The following PIEZO2 variants were observed in gnomAD, a reference collection of about 807,000 sequenced individuals.
The protein encoded by PIEZO2 is piezo-type mechanosensitive ion channel component 2.
In PIEZO2, 172 loss-of-function variants were observed where a neutral mutation model predicts 337.3. The observed-to-expected ratio is 0.51, with a 90% CI of 0.45 to 0.58. The LOEUF is 0.58. Among genes scored for constraint, PIEZO2 ranks in the 20% least tolerant of loss-of-function variants. The pLI is 0.00. For synonymous variants in PIEZO2, 1,251 were observed against 1,228.5 expected (o/e 1.02, Z -0.38); for missense variants, 3,028 against 3,391.3 (o/e 0.89, Z 2.66).
At chr18:11,029,048 G>A (rs557674559) in intron 2 of PIEZO2, among the ~76,000 whole-genome samples, 1 of 152,262 alleles carries the variant, frequency 6.6e-6, no homozygotes, top group African/African-American at 2.4e-5. Flanking sequence ...TTGTTAACTC[G>A]TAATAGCAAA....
intron 47 of PIEZO2, among the ~76,000 whole-genome samples, chr18:10,692,650 AC>A (rs1405385544): frequency 6.6e-6 from 1 of 152,038 alleles, no homozygotes; most frequent in Non-Finnish European, 1.5e-5. Flanking sequence ...TGGCCTTTGC[AC>A]CTTCCCTACA....
intron 2 of PIEZO2, among the ~76,000 whole-genome samples, chr18:11,040,699 C>T (rs573777578): frequency 5.9e-5 from 9 of 152,252 alleles, no homozygotes; most frequent in Non-Finnish European, 1.2e-4. Context: ...TTTTGGTCCT[C>T]GTCCCCATAA....
chr18:11,023,957 C>G (rs1165742997), intron 2 of PIEZO2, among the ~76,000 whole-genome samples: 3 of 152,196 alleles, frequency 2.0e-5, no homozygotes, highest in African/African-American at 7.2e-5. Flanking sequence ...GGCCGCCGAG[C>G]CCACGCCCAC....
rs1363735070 is a variant in PIEZO2, at chr18:10,794,812, C to A, written c.1718G>T (p.Gly573Val). The change falls in exon 13 of 56, where the codon GGA (glycine) becomes GTA (valine). Residue 573 changes from glycine to valine, a missense_variant. Gly to Val is a moderately radical substitution (Grantham distance 109). This residue lies in a region of PIEZO2 where 1,925 missense variants were observed against 2,051.9 expected (regional missense o/e 0.94). Coordinates refer to ENST00000674853, the MANE Select transcript of PIEZO2 (RefSeq NM_001378183.1). The surrounding 1 kb of genome is among the most constrained non-coding windows in gnomAD (Gnocchi z 6.6). ...FELPEIKKVP[G>V]FLEKKEPGEL... ...TCCTGGCTCTTTCTTTTCTAAAAAT[C>A]CTGGAACTTTTTTAATTTCAGGAAG... is the stretch of plus-strand genomic sequence containing the variant. 2 of 1,536,004 alleles carry A rather than the reference C, an allele frequency of 1.3e-6. No individual in the cohort carries two copies. Among genetic ancestry groups the A allele is most frequent in the Non-Finnish European group, 1.7e-6 (2 of 1,146,398 alleles).
chr18:10,869,672 G>C lies in PIEZO2; in HGVS notation c.492+1581C>G, dbSNP rs536829033. Reference sequence around the variant, plus strand: ...TGTCTTACAATTGGAATGTCAACAAGAAGAAGAAGCACTCTTCCGTTTTTA... The same window carrying C: ...TGTCTTACAATTGGAATGTCAACAACAAGAAGAAGCACTCTTCCGTTTTTA... On this transcript the variant is annotated intron_variant, in intron 5 of 55. Transcript: ENST00000674853. Among the ~76,000 whole-genome samples, 41 of 152,254 alleles carry C rather than the reference G, an allele frequency of 2.7e-4. 1 individual carries two copies. The highest frequency in any genetic ancestry group is 2.5e-3 in the South Asian group (12 of 4,826).
chr18:10,873,377 C>T (rs1450957582), intron 4 of PIEZO2, among the ~76,000 whole-genome samples: 1 of 152,154 alleles, frequency 6.6e-6, no homozygotes, highest in African/African-American at 2.4e-5. Flanking sequence ...ACATAGAGAA[C>T]AGAATTATAC....
chr18:10,764,879 C>T (rs1035672892), intron 21 of PIEZO2, among the ~76,000 whole-genome samples: 1 of 152,218 alleles, frequency 6.6e-6, no homozygotes, highest in African/African-American at 2.4e-5. Context: ...CGAATTGACT[C>T]TTCCTCCATA....
chr18:10,992,805 T>C (rs969465791), intron 2 of PIEZO2, among the ~76,000 whole-genome samples: 3 of 152,222 alleles, frequency 2.0e-5, no homozygotes, highest in African/African-American at 4.8e-5. Context: ...ATTGAATCTA[T>C]AAATTACTTT....
intron 7 of PIEZO2, among the ~76,000 whole-genome samples, chr18:10,812,336 C>T (rs945878062): frequency 6.6e-6 from 1 of 152,034 alleles, no homozygotes; most frequent in Non-Finnish European, 1.5e-5. Context: ...TGAGTACACA[C>T]GGACACTAAG....
At chr18:10,757,309 A>T (rs781708359) in intron 27 of PIEZO2, among the ~76,000 whole-genome samples, 1 of 143,326 alleles carries the variant, frequency 7.0e-6, no homozygotes, top group Non-Finnish European at 1.5e-5. Flanking sequence ...GGGATGAGGG[A>T]TTAAGGATGA....
rs567654311 is a variant in PIEZO2 at position 10,728,712 on chromosome 18, T to C, written c.5029+2695A>G. Reference sequence around the variant, plus strand: ...GACTCACGCCTGTAATCCCAGCACTTTGGGAGGCCGAGGCGGGCGGATCAT... The same window carrying C: ...GACTCACGCCTGTAATCCCAGCACTCTGGGAGGCCGAGGCGGGCGGATCAT... On this transcript the variant is annotated intron_variant, in intron 36 of 55. Transcript: ENST00000674853. 3.2e-3 allele frequency among the ~76,000 whole-genome samples: 480 copies of C among 151,814 alleles called. 2 individuals carry two copies. Among genetic ancestry groups the C allele is most frequent in the African/African-American group, 0.011 (443 of 41,402 alleles).
intron 1 of PIEZO2, among the ~76,000 whole-genome samples, chr18:11,074,380 T>C (rs1486202116): frequency 1.3e-5 from 2 of 152,196 alleles, no homozygotes; most frequent in African/African-American, 2.4e-5. Flanking sequence ...GGAAAAAGAT[T>C]ATTTGCTTTA....
At chr18:11,020,985 T>A (rs2036290077) in intron 2 of PIEZO2, among the ~76,000 whole-genome samples, 2 of 152,182 alleles carry the variant, frequency 1.3e-5, no homozygotes, top group South Asian at 4.1e-4. Context: ...CAGATGCAGC[T>A]TAAAAACTGT....
At position 11,016,901 on chromosome 18, in the gene PIEZO2, G is replaced by T. The variant is rs2036134141; in HGVS notation, c.161-37241C>A. On this transcript the variant is annotated intron_variant, in intron 2 of 55. Coordinates refer to ENST00000674853, the MANE Select transcript of PIEZO2 (RefSeq NM_001378183.1). This position sits in a 1 kb window ranked among gnomAD's most constrained non-coding sequence, Gnocchi z 5.6. ...CAATTGTTTATTTCATTATTTACTT[G>T]GTCCTGCTGATGTTTAAACATGGAG... is the stretch of plus-strand genomic sequence containing the variant. Among the ~76,000 whole-genome samples, 2 of 151,922 alleles carry T rather than the reference G, an allele frequency of 1.3e-5. No homozygotes were observed. The highest frequency in any genetic ancestry group is 4.8e-5 in the African/African-American group (2 of 41,332).
At position 10,962,154 on chromosome 18, in the gene PIEZO2, G is replaced by T. The variant is rs1024892973; in HGVS notation, c.286+17381C>A. ...TGAGATTCTACTGATCCTCAAAACT[G>T]CCACTGAATTAGAATTATTTCCAGA... On this transcript the variant is annotated intron_variant, in intron 3 of 55. Coordinates refer to ENST00000674853, the MANE Select transcript of PIEZO2 (RefSeq NM_001378183.1). The surrounding 1 kb of genome is among the most constrained non-coding windows in gnomAD (Gnocchi z 4.1). Among the ~76,000 whole-genome samples, 2 of 152,080 alleles carry T rather than the reference G, an allele frequency of 1.3e-5. No homozygotes were observed. Among genetic ancestry groups the T allele is most frequent in the Non-Finnish European group, 2.9e-5 (2 of 68,026 alleles).
At chr18:11,118,631 T>C (rs952730300) in intron 1 of PIEZO2, among the ~76,000 whole-genome samples, 12 of 152,210 alleles carry the variant, frequency 7.9e-5, no homozygotes, top group African/African-American at 2.9e-4. Flanking sequence ...CATGCCCTGA[T>C]TTATTGAAAA....
chr18:10,742,100 A>G (rs796428867), intron 32 of PIEZO2, among the ~76,000 whole-genome samples: 39 of 152,316 alleles, frequency 2.6e-4, no homozygotes, highest in African/African-American at 9.4e-4. Flanking sequence ...GCTTGCAGTG[A>G]GCCGAGATCT....
intron 27 of PIEZO2, among the ~76,000 whole-genome samples, chr18:10,754,171 C>G (rs187395295): frequency 2.0e-5 from 3 of 152,372 alleles, no homozygotes; most frequent in Admixed American, 2.0e-4. Flanking sequence ...ATTCATAAAA[C>G]TAAGCTTGTG....
Position 10,725,566 on chromosome 18 carries a change from T to C in PIEZO2, c.5029+5841A>G, listed in dbSNP as rs528506174. 36 of 1,367,170 alleles carry C rather than the reference T, an allele frequency of 2.6e-5. 1 individual carries two copies. In the Admixed American group the frequency reaches 7.2e-4, roughly 27 times the overall value. 84.7% of individuals were successfully genotyped at this position (1,367,170 alleles called of 1,614,324 possible). On this transcript the variant is annotated intron_variant, in intron 36 of 55. Transcript: ENST00000674853. Reference sequence around the variant, plus strand: ...CTAACTCCCCCTTTTGTTTCTCCCCTGTCCCTCCTGAGGTCGGGGCTTTCC... The same window carrying C: ...CTAACTCCCCCTTTTGTTTCTCCCCCGTCCCTCCTGAGGTCGGGGCTTTCC...
Sources: allele counts gnomAD v4.1 joint callset (sites outside exome capture counted in the v4.1 genomes callset), GRCh38; gene constraint gnomAD v4.1.1; regional missense constraint gnomAD v4.1.1; non-coding constraint Gnocchi (gnomAD v3.1); transcripts MANE v1.5; gene names NCBI Gene and HGNC (gene_info 2026-07-23, HGNC 2026-07-21).